CNOT4: variants seen among roughly 807,000 people sequenced by gnomAD.
CNOT4 encodes CCR4-associated factor 4.
In CNOT4, 8 loss-of-function variants were observed where a neutral mutation model predicts 73.8. The observed-to-expected ratio is 0.11, with a 90% CI of 0.06 to 0.20. The LOEUF (loss-of-function observed/expected upper bound fraction) is 0.20. CNOT4 is among the 10% of genes least tolerant of loss of function. CNOT4 has a pLI of 1.00. For missense variants in CNOT4, 564 were observed against 883.4 expected, an observed-to-expected ratio of 0.64 and a Z score of 4.58; for synonymous variants, 293 against 321.1, an observed-to-expected ratio of 0.91 and a Z score of 0.94.
chr7:135,397,940 G>A (rs1472533651), intron 8 of CNOT4, among the ~76,000 whole-genome samples: 1 of 151,996 alleles, frequency 6.6e-6, no homozygotes, highest in East Asian at 1.9e-4. Flanking sequence ...AGACTCTAAA[G>A]ATAATAGTAT....
At chr7:135,437,945 C>T (rs755924589) in intron 2 of CNOT4, among the ~76,000 whole-genome samples, 1 of 152,156 alleles carries the variant, frequency 6.6e-6, no homozygotes, top group Non-Finnish European at 1.5e-5. Context: ...CATGACTTTA[C>T]AAAGATCATA....
intron 3 of CNOT4, among the ~76,000 whole-genome samples, 193 bp from the exon 4 acceptor site, chr7:135,415,455 T>A (rs1371027593): frequency 2.0e-5 from 3 of 151,900 alleles, no homozygotes; most frequent in African/African-American, 7.3e-5. Flanking sequence ...TTAAAAGCTA[T>A]TTTTTTTCTT....
At chr7:135,424,682 G>A (rs1171998631) in intron 2 of CNOT4, among the ~76,000 whole-genome samples, 1 of 152,190 alleles carries the variant, frequency 6.6e-6, no homozygotes, top group South Asian at 2.1e-4. Context: ...CCAGCTACTT[G>A]GGAGGCTGAG....
intron 1 of CNOT4, among the ~76,000 whole-genome samples, chr7:135,461,504 GCCTGTC>G (rs1480991291): frequency 6.6e-6 from 1 of 152,054 alleles, no homozygotes; most frequent in African/African-American, 2.4e-5. Flanking sequence ...TCAGTTCACA[GCCTGTC>G]CCTGCTTTAC....
At chr7:135,387,141 T>C (rs911580764) in intron 10 of CNOT4, 14 of 978,254 alleles carry the variant, frequency 1.4e-5, no homozygotes, top group African/African-American at 1.8e-5. Context: ...AAAAGACTGA[T>C]AATAAGTCTA....
At position 135,394,218 on chromosome 7, in the gene CNOT4, T is replaced by G; in HGVS notation, c.1327A>C (p.Thr443Pro). 6.2e-7 allele frequency: 1 copy of G among 1,614,092 alleles called. No homozygotes were observed. The highest frequency in any genetic ancestry group is 8.5e-7 in the Non-Finnish European group (1 of 1,179,982). ...GAGCCTGGACCTTTGGCGGTTGTAGTGTGTGAAGAGGAGTTCTGAAGAGAT... is the reference window on the plus strand; with the variant it reads ...GAGCCTGGACCTTTGGCGGTTGTAGGGTGTGAAGAGGAGTTCTGAAGAGAT... ...PTSLQNSSSH[T>P]TTAKGPGSGF... is the part of the protein sequence containing the mutation. Residue 443 changes from threonine to proline, a missense_variant, in exon 10 of 12, where the codon ACT becomes CCT. Physicochemically the swap from Thr to Pro is conservative, Grantham distance 38. Transcript: ENST00000541284.
chr7:135,428,444 T>C (rs1040845396), intron 2 of CNOT4, among the ~76,000 whole-genome samples: 2 of 152,206 alleles, frequency 1.3e-5, no homozygotes, highest in African/African-American at 2.4e-5. Flanking sequence ...AAATAATGCT[T>C]ATCTGTTTAA....
intron 7 of CNOT4, among the ~76,000 whole-genome samples, chr7:135,400,417 G>A (rs575650619): frequency 4.6e-5 from 7 of 152,016 alleles, no homozygotes; most frequent in Non-Finnish European, 5.9e-5. Flanking sequence ...CTGAGAGAAA[G>A]AGGTGGTAAC....
At chr7:135,504,615 T>C (rs1479239862) in intron 1 of CNOT4, among the ~76,000 whole-genome samples, 1 of 117,000 alleles carries the variant, frequency 8.5e-6, no homozygotes, top group African/African-American at 3.6e-5. Flanking sequence ...GCCTCCCAAG[T>C]AGCTGGGACT....
Position 135,373,743 on chromosome 7 carries a change from A to ATT in CNOT4, c.1628-9679_1628-9678dup, listed in dbSNP as rs34510889. ...AGGCAAGTGCCACCAAGCCCAGCTA[A>ATT]TTTTTTTTTTGTATTTTTAGTAGAG... On this transcript the variant is annotated intron_variant, in intron 10 of 11. Transcript: ENST00000541284. Among the ~76,000 whole-genome samples the ATT allele has an allele frequency of 1.5e-4, 23 of 149,816 alleles. 1 individual carries two copies. Among genetic ancestry groups the ATT allele is most frequent in the East Asian group, 5.9e-4 (3 of 5,070 alleles).
At chr7:135,441,619 T>C (rs1400480051) in intron 1 of CNOT4, among the ~76,000 whole-genome samples, 1 of 152,192 alleles carries the variant, frequency 6.6e-6, no homozygotes, top group South Asian at 2.1e-4. Context: ...TACCTTTGAT[T>C]CTAAGATATC....
At chr7:135,488,326 T>A (rs780390568) in intron 1 of CNOT4, among the ~76,000 whole-genome samples, 1 of 152,108 alleles carries the variant, frequency 6.6e-6, no homozygotes, top group Non-Finnish European at 1.5e-5. Context: ...ATTCTCAGCC[T>A]CCTGAGGCAA....
chr7:135,396,883 G>C (rs1437661327), intron 8 of CNOT4, among the ~76,000 whole-genome samples: 1 of 151,932 alleles, frequency 6.6e-6, no homozygotes, highest in Non-Finnish European at 1.5e-5. Flanking sequence ...TTTTAAAATG[G>C]CCCTATTCTT....
At chr7:135,447,943 TAA>T (rs1799929641) in intron 1 of CNOT4, among the ~76,000 whole-genome samples, 1 of 152,002 alleles carries the variant, frequency 6.6e-6, no homozygotes, top group Non-Finnish European at 1.5e-5. Context: ...TCAGTGGAGA[TAA>T]AAAGCTGGGT....
chr7:135,448,340 C>T (rs1037093502), intron 1 of CNOT4, among the ~76,000 whole-genome samples: 3 of 151,920 alleles, frequency 2.0e-5, no homozygotes, highest in East Asian at 1.9e-4. Flanking sequence ...GTCAGGAGTT[C>T]GAGACCAGCC....
intron 10 of CNOT4, among the ~76,000 whole-genome samples, chr7:135,365,304 G>C (rs1794853912): frequency 2.0e-5 from 3 of 151,746 alleles, no homozygotes; most frequent in Admixed American, 2.0e-4. Context: ...AGCACTCTAG[G>C]CTACACAAAA....
chr7:135,395,679 T>A lies in CNOT4; in HGVS notation c.1084A>T (p.Ser362Cys). 1 of 1,614,098 alleles carries A rather than the reference T, an allele frequency of 6.2e-7. No homozygotes were observed. The highest frequency in any genetic ancestry group is 8.5e-7 in the Non-Finnish European group (1 of 1,180,000). Residue 362 changes from serine to cysteine, a missense_variant, in exon 9 of 12, where the codon AGT becomes TGT. Physicochemically the swap from Ser to Cys is moderately radical, Grantham distance 112 (BLOSUM62 -1). This residue lies in a region of CNOT4 where 135 missense variants were observed against 154.0 expected (regional missense o/e 0.88). Transcript: ENST00000541284. ...PPFPSSPQTS[S>C]DWPTAPEPQS... ...GGTTCTGGTGCTGTAGGCCAGTCAC[T>A]GGATGTCTGTGGGGAGCTGGGGAAA...
intron 2 of CNOT4, among the ~76,000 whole-genome samples, chr7:135,430,414 G>A (rs933422555): frequency 6.6e-6 from 1 of 152,100 alleles, no homozygotes; most frequent in Non-Finnish European, 1.5e-5. Context: ...GAGGCAGGAG[G>A]AACACCTGAG....
At chr7:135,389,174 AAAAAG>A (rs1796273546) in intron 10 of CNOT4, among the ~76,000 whole-genome samples, 2 of 150,566 alleles carry the variant, frequency 1.3e-5, no homozygotes, top group African/African-American at 2.4e-5. Context: ...AAAAAAAAAA[AAAAAG>A]ACCAGGAAAG....
Sources: allele counts gnomAD v4.1 joint callset (sites outside exome capture counted in the v4.1 genomes callset), GRCh38; gene constraint gnomAD v4.1.1; regional missense constraint gnomAD v4.1.1; transcripts MANE v1.5; gene names NCBI Gene and HGNC (gene_info 2026-07-23, HGNC 2026-07-21).